ANKRD17: variants seen among roughly 807,000 people sequenced by gnomAD.
ANKRD17 encodes the protein ankyrin repeat domain-containing protein 17.
Under a neutral mutation model 229.7 loss-of-function variants are expected in ANKRD17, and 19 were observed. The ratio of observed to expected loss-of-function variants is 0.08; its 90% confidence interval spans 0.06 to 0.12. The LOEUF (loss-of-function observed/expected upper bound fraction) is 0.12, where lower values mean the gene tolerates loss of function less well. ANKRD17 is among the 10% of genes least tolerant of loss of function. The probability of loss-of-function intolerance (pLI) is 1.00; values close to 1 mark genes in which losing one functional copy is unlikely to be tolerated. For missense variants in ANKRD17, 2,176 were observed against 3,176.8 expected (o/e 0.68, Z 7.57); for synonymous variants, 1,112 against 1,146.1 (o/e 0.97, Z 0.60).
intron 24 of ANKRD17, chr4:73,113,044 T>G (rs936693040): frequency 1.8e-6 from 2 of 1,093,872 alleles, no homozygotes; most frequent in Non-Finnish European, 2.3e-6. Flanking sequence ...CGCCTCGGCC[T>G]CCCAAAGTGC....
intron 17 of ANKRD17, 44 bp from the exon 18 acceptor site, chr4:73,125,102 G>A (rs778321830): frequency 1.2e-6 from 2 of 1,606,862 alleles, no homozygotes; most frequent in South Asian, 1.1e-5. Context: ...TAAGGCAAAA[G>A]AACAAAATAT....
At position 73,177,402 on chromosome 4, in the gene ANKRD17, C is replaced by G; in HGVS notation, c.525G>C (p.Leu175=). The G allele has an allele frequency of 6.2e-7, 1 of 1,609,676 alleles. No homozygotes were observed. ...TACCTGCAGCTTCTAGTAAAGCTTC[C>G]AGTCTAGCCTGTGTTTCTGGATCTA... ...RTVDPETQAR[L]EALLEAAGIG... The change falls in exon 2 of 34, where the codon CTG becomes CTC. Residue 175 remains leucine (L), a synonymous_variant. Transcript: ENST00000358602.
chr4:73,116,384 C>T (rs971585722), intron 22 of ANKRD17, among the ~76,000 whole-genome samples: 5 of 152,094 alleles, frequency 3.3e-5, no homozygotes, highest in Non-Finnish European at 5.9e-5. Flanking sequence ...AGAATATATA[C>T]TTTCATGAAG....
chr4:73,121,431 AT>A, intron 19 of ANKRD17, 185 bp downstream of exon 19: 1 of 692,152 alleles, frequency 1.4e-6, no homozygotes, highest in Admixed American at 2.9e-5. Context: ...AGTACTCAAT[AT>A]TTTTCAAACT....
At chr4:73,076,340 T>G (rs776647976) in intron 33 of ANKRD17, 50 bp from the exon 34 acceptor site, 54 of 1,398,160 alleles carry the variant, frequency 3.9e-5, no homozygotes, top group Non-Finnish European at 5.1e-5. Context: ...AGCATATATT[T>G]TATTAAAATA....
rs1022134837 is a variant in ANKRD17 at position 73,174,221 on chromosome 4, A to G, written c.547+3159T>C. Reference sequence around the variant, plus strand: ...CTAACAGAATCCAACAGCATAGCAAAAAGATAATATACCTTGATCAAATGG... The same window carrying G: ...CTAACAGAATCCAACAGCATAGCAAGAAGATAATATACCTTGATCAAATGG... On this transcript the variant is annotated intron_variant, in intron 2 of 33. Coordinates refer to ENST00000358602, the MANE Select transcript of ANKRD17 (RefSeq NM_032217.5). Among the ~76,000 whole-genome samples the G allele has an allele frequency of 3.9e-5, 6 of 152,280 alleles. 1 individual carries two copies. The highest frequency in any genetic ancestry group is 3.3e-4 in the Admixed American group (5 of 15,290).
intron 6 of ANKRD17, 95 bp from the exon 7 acceptor site, chr4:73,151,619 C>A: frequency 2.1e-6 from 2 of 933,164 alleles, no homozygotes; most frequent in Admixed American, 3.2e-5. Flanking sequence ...ATTTAACTTA[C>A]AGCATTAAAT....
At chr4:73,173,886 G>C (rs1357328905) in intron 2 of ANKRD17, among the ~76,000 whole-genome samples, 2 of 152,124 alleles carry the variant, frequency 1.3e-5, no homozygotes, top group Non-Finnish European at 2.9e-5. Flanking sequence ...AGCAGAATTA[G>C]GGAGGGGTCA....
rs576824198 is a variant in ANKRD17 at position 73,243,299 on chromosome 4, A to C, written c.393+14977T>G. ...GAAAGATTAGCCTAATGCTACGTGAAGAATGAATGAAGAATGGGGATTCAG... is the reference window on the plus strand; with the variant it reads ...GAAAGATTAGCCTAATGCTACGTGACGAATGAATGAAGAATGGGGATTCAG... On this transcript the variant is annotated intron_variant, in intron 1 of 33. Coordinates refer to ENST00000358602, the MANE Select transcript of ANKRD17 (RefSeq NM_032217.5). Among the ~76,000 whole-genome samples the C allele has an allele frequency of 1.3e-4, 20 of 152,362 alleles. No homozygotes were observed. The South Asian group carries it at 2.1e-3, about 16-fold the overall frequency.
chr4:73,111,425 C>T (rs1035647639), intron 24 of ANKRD17, among the ~76,000 whole-genome samples: 3 of 151,988 alleles, frequency 2.0e-5, no homozygotes, highest in African/African-American at 4.8e-5. Flanking sequence ...AAAAGGACGG[C>T]GCAAAATTTC....
chr4:73,114,929 A>C (rs888319321), intron 23 of ANKRD17, among the ~76,000 whole-genome samples: 1 of 152,218 alleles, frequency 6.6e-6, no homozygotes, highest in African/African-American at 2.4e-5. Flanking sequence ...ATCAAAATGT[A>C]TGTCTCCAGG....
chr4:73,227,333 T>C (rs561375839), intron 1 of ANKRD17, among the ~76,000 whole-genome samples: 1 of 152,200 alleles, frequency 6.6e-6, no homozygotes, highest in African/African-American at 2.4e-5. Context: ...TTTGCATTTT[T>C]AGTAGAGACG....
chr4:73,077,049 G>C lies in ANKRD17; in HGVS notation c.7643C>G (p.Pro2548Arg). Reference protein sequence around the residue: ...NAMIPPVAPIPDGAGGPIFNG... With the variant: ...NAMIPPVAPIRDGAGGPIFNG... ...AAATATGGGTCCTCCAGCACCATCAGGGATAGGTGCTACTGGAGGAATCAT... is the reference window on the plus strand; with the variant it reads ...AAATATGGGTCCTCCAGCACCATCACGGATAGGTGCTACTGGAGGAATCAT... The change falls in exon 33 of 34, where the codon CCT (proline) becomes CGT (arginine). Residue 2548 changes from proline to arginine, a missense_variant. This residue lies in a region of ANKRD17 where 159 missense variants were observed against 214.3 expected (regional missense o/e 0.74). Transcript: ENST00000358602. 6.2e-7 allele frequency: 1 copy of C among 1,613,178 alleles called. No individual in the cohort carries two copies. Among genetic ancestry groups the C allele is most frequent in the South Asian group, 1.1e-5 (1 of 90,830 alleles).
In ANKRD17 at chr4:73,217,829, C is replaced by T. The variant is rs72861876; in HGVS notation, c.394-40296G>A. ...CTATGTGTATAAGGTATATATAAAACATAAGTAAATCTCATGTGGGTCCCA... is the reference window on the plus strand; with the variant it reads ...CTATGTGTATAAGGTATATATAAAATATAAGTAAATCTCATGTGGGTCCCA... On this transcript the variant is annotated intron_variant, in intron 1 of 33. Coordinates refer to ENST00000358602, the MANE Select transcript of ANKRD17 (RefSeq NM_032217.5). Among the ~76,000 whole-genome samples, 488 of 152,234 alleles carry T rather than the reference C, an allele frequency of 3.2e-3. 4 individuals are homozygous for T. The highest frequency in any genetic ancestry group is 0.011 in the African/African-American group (460 of 41,548).
chr4:73,241,901 G>C (rs1744077880), intron 1 of ANKRD17, among the ~76,000 whole-genome samples: 1 of 151,662 alleles, frequency 6.6e-6, no homozygotes, highest in African/African-American at 2.4e-5. Flanking sequence ...ATACTGAAGG[G>C]GCAGAAAAAG....
At chr4:73,150,496 C>T (rs1730869000) in intron 7 of ANKRD17, among the ~76,000 whole-genome samples, 1 of 152,034 alleles carries the variant, frequency 6.6e-6, no homozygotes, top group African/African-American at 2.4e-5. Flanking sequence ...ATATTTTCCT[C>T]ATTTTACAGA....
rs186544912 is a variant in ANKRD17, at chr4:73,178,512, G to A, written c.394-979C>T. On this transcript the variant is annotated intron_variant, in intron 1 of 33. Coordinates refer to ENST00000358602, the MANE Select transcript of ANKRD17 (RefSeq NM_032217.5). Reference sequence around the variant, plus strand: ...TTTTTAACTTCAAGCACGTGGTAGTGAAGAATACAATCATATCAGTACAGT... The same window carrying A: ...TTTTTAACTTCAAGCACGTGGTAGTAAAGAATACAATCATATCAGTACAGT... Among the ~76,000 whole-genome samples, 267 of 151,980 alleles carry A rather than the reference G, an allele frequency of 1.8e-3. 1 individual carries two copies. Among genetic ancestry groups the A allele is most frequent in the Non-Finnish European group, 2.9e-3 (194 of 67,972 alleles).
intron 2 of ANKRD17, 42 bp from the exon 3 acceptor site, chr4:73,161,390 G>A (rs371494170): frequency 3.4e-5 from 54 of 1,595,400 alleles, no homozygotes; most frequent in Admixed American, 3.3e-4. Flanking sequence ...CACCCAAAAG[G>A]AGAAACAAAG....
intron 1 of ANKRD17, among the ~76,000 whole-genome samples, chr4:73,244,240 G>A (rs1160504523): frequency 1.3e-5 from 2 of 152,014 alleles, no homozygotes; most frequent in Non-Finnish European, 2.9e-5. Flanking sequence ...GAAATACTTG[G>A]GGTTAGGGCT....
Sources: allele counts gnomAD v4.1 joint callset (sites outside exome capture counted in the v4.1 genomes callset), GRCh38; gene constraint gnomAD v4.1.1; regional missense constraint gnomAD v4.1.1; transcripts MANE v1.5; gene names NCBI Gene and HGNC (gene_info 2026-07-23, HGNC 2026-07-21).